Variants in HEATR1 observed in about 807,000 individuals in gnomAD.
HEATR1 encodes HEAT repeat containing 1.
Under a neutral mutation model 248.2 loss-of-function variants are expected in HEATR1, and 77 were observed. The observed-to-expected ratio is 0.31, with a 90% CI of 0.26 to 0.37. The LOEUF is 0.37. Ranked by LOEUF, HEATR1 falls within the 10% of genes least tolerant of loss-of-function variation. The pLI, the probability that HEATR1 is intolerant of heterozygous loss-of-function variation, is 1.00. For missense variants in HEATR1, 2,420 were observed against 2,504.9 expected (o/e 0.97, Z 0.72); for synonymous variants, 897 against 923.1 (o/e 0.97, Z 0.51).
At chr1:236,557,114 G>GA (rs1312625103) in intron 37 of HEATR1, 81 bp downstream of exon 37, 2 of 1,449,878 alleles carry the variant, frequency 1.4e-6, no homozygotes, top group Non-Finnish European at 1.8e-6. Context: ...AACCCTTAAA[G>GA]AAAAAACAAA....
chr1:236,559,563 G>T, intron 34 of HEATR1, 151 bp downstream of exon 34: 2 of 914,684 alleles, frequency 2.2e-6, no homozygotes, highest in Non-Finnish European at 1.6e-6. Flanking sequence ...TCTATTTCTA[G>T]TCATCAAGAG....
rs190697551 is a variant in HEATR1, at chr1:236,602,871, C to T, written c.359+289G>A. 2.3e-3 allele frequency: 598 copies of T among 259,462 alleles called. 3 individuals are homozygous for T. The highest frequency in any genetic ancestry group is 3.5e-3 in the Non-Finnish European group (476 of 134,248). The allele number at this position is 259,462 out of a possible 1,614,324, so 16.1% of individuals were successfully genotyped here. The stretch of plus-strand genomic sequence containing the variant: ...CCTGGGAGGCAGAGGTTGCAGTGAG[C>T]CAAGATTTCAATATTGCACTCCAGC... On this transcript the variant is annotated intron_variant, in intron 3 of 44. Coordinates refer to ENST00000366582, the MANE Select transcript of HEATR1 (RefSeq NM_018072.6).
Position 236,596,818 on chromosome 1 carries a change from C to T in HEATR1, c.744+18G>A, listed in dbSNP as rs762720379. 1.9e-6 allele frequency: 3 copies of T among 1,594,620 alleles called. No homozygotes were observed. The Admixed American group carries it at 5.5e-5, about 29-fold the overall frequency. ...TTTAAGTACAAAATAATCTACTTAA[C>T]ACATCAGCAGTGCCAACCTTTTGGA... is the stretch of plus-strand genomic sequence containing the variant. On this transcript the variant is annotated intron_variant, in intron 6 of 44. Transcript: ENST00000366582.
In HEATR1 at chr1:236,550,686, C is replaced by A; in HGVS notation, c.*216G>T. On this transcript the variant is annotated 3_prime_UTR_variant, in exon 45 of 45. Coordinates refer to ENST00000366582, the MANE Select transcript of HEATR1 (RefSeq NM_018072.6). ...CAGTCTGTATAAAAATACCGTGTAT[C>A]ATTTACTCTTTCTGCAGCTCTATAC... 1 of 465,220 alleles carries A rather than the reference C, an allele frequency of 2.1e-6. No individual in the cohort carries two copies. The allele number at this position is 465,220 out of a possible 1,614,324, so 28.8% of individuals were successfully genotyped here. A position where few individuals can be genotyped will look rare whatever the true frequency, so the allele number is the denominator to read the frequency against.
At chr1:236,552,316 GT>G in intron 43 of HEATR1, 1 of 368,920 alleles carries the variant, frequency 2.7e-6, no homozygotes, top group East Asian at 4.2e-5. Flanking sequence ...TATAAATAGT[GT>G]TTTCCAAACT....
At chr1:236,592,654 A>T (rs183093538) in intron 9 of HEATR1, 21 bp from the exon 10 acceptor site, 7 of 943,304 alleles carry the variant, frequency 7.4e-6, no homozygotes, top group Non-Finnish European at 1.2e-5. Context: ...AAAAACAGAA[A>T]TATCAGCATA....
intron 42 of HEATR1, among the ~76,000 whole-genome samples, chr1:236,554,284 C>G (rs570569338): frequency 6.6e-6 from 1 of 151,876 alleles, no homozygotes; most frequent in East Asian, 1.9e-4. Flanking sequence ...CCCAGCTATT[C>G]GGGAGGCTGA....
In HEATR1 at chr1:236,550,986, T is replaced by C; in HGVS notation, c.6351A>G (p.Glu2117=). 1 of 1,452,624 alleles carries C rather than the reference T, an allele frequency of 6.9e-7. No individual in the cohort carries two copies. The highest frequency in any genetic ancestry group is 9.3e-7 in the Non-Finnish European group (1 of 1,071,310). 90.0% of individuals were successfully genotyped at this position (1,452,624 alleles called of 1,614,324 possible). A position where few individuals can be genotyped will look rare whatever the true frequency, so the allele number is the denominator to read the frequency against. ...IPFLAELMED[E]CEEVEHQCQK... is the part of the protein sequence containing the mutation. ...GGCACTGATGTTCTACTTCTTCACA[T>C]TCATCTAAAAAAAAAAAAAAAAAAT... The change falls in exon 45 of 45, where the codon GAA becomes GAG. Residue 2117 remains glutamate, a synonymous_variant. Coordinates refer to ENST00000366582, the MANE Select transcript of HEATR1 (RefSeq NM_018072.6).
At position 236,549,749 on chromosome 1, in the gene HEATR1, G is replaced by A. The variant is rs920605054; in HGVS notation, c.*1153C>T. 1 of 152,058 alleles carries A rather than the reference G, an allele frequency of 6.6e-6. No homozygotes were observed. The highest frequency in any genetic ancestry group is 1.5e-5 in the Non-Finnish European group (1 of 68,022). 9.4% of individuals were successfully genotyped at this position (152,058 alleles called of 1,614,324 possible). A position where few individuals can be genotyped will look rare whatever the true frequency, so the allele number is the denominator to read the frequency against. On this transcript the variant is annotated 3_prime_UTR_variant, in exon 45 of 45. Coordinates refer to ENST00000366582, the MANE Select transcript of HEATR1 (RefSeq NM_018072.6). ...TTAACTGAGCTGTTGGAGACTGTGA[G>A]GCATTTAGGAAAAAAATAGCCCACT... is the stretch of plus-strand genomic sequence containing the variant.
chr1:236,592,248 A>G, intron 10 of HEATR1, 138 bp from the exon 11 acceptor site: 1 of 574,888 alleles, frequency 1.7e-6, no homozygotes, highest in Non-Finnish European at 3.1e-6. Flanking sequence ...TGTTGTAGGT[A>G]AAACCAAATG....
At chr1:236,592,140 ATTCT>A in intron 10 of HEATR1, 30 bp from the exon 11 acceptor site, 1 of 1,128,828 alleles carries the variant, frequency 8.9e-7, no homozygotes, top group Non-Finnish European at 1.3e-6. Context: ...TGAATTCATT[ATTCT>A]TAATAAATTT....
At chr1:236,601,299 T>G (rs1572056339) in intron 3 of HEATR1, among the ~76,000 whole-genome samples, 2 of 151,232 alleles carry the variant, frequency 1.3e-5, no homozygotes, top group African/African-American at 4.9e-5. Flanking sequence ...CAGGCTGGAG[T>G]GCAGTGGCGT....
intron 29 of HEATR1, among the ~76,000 whole-genome samples, chr1:236,567,809 C>A (rs1015444438): frequency 1.3e-5 from 2 of 152,194 alleles, no homozygotes. Context: ...CTTAGACTGC[C>A]TGGGAAGGCT....
At chr1:236,559,307 C>A (rs921500605) in intron 34 of HEATR1, among the ~76,000 whole-genome samples, 172 bp from the exon 35 acceptor site, 4 of 152,220 alleles carry the variant, frequency 2.6e-5, no homozygotes, top group Admixed American at 6.5e-5. Context: ...ACCAACCACA[C>A]ATTATCGAAC....
At position 236,597,885 on chromosome 1, in the gene HEATR1, G is replaced by C; in HGVS notation, c.596C>G (p.Ser199Cys). The stretch of plus-strand genomic sequence containing the variant: ...ATGAAACAGACTGCTCACCTTCACA[G>C]ATTTTGTCACCAAACTGCAAATGAA... Reference protein sequence around the residue: ...MDFICSLVTKSVKVFAEYPGS... With the variant: ...MDFICSLVTKCVKVFAEYPGS... Residue 199 changes from serine to cysteine, a missense_variant, in exon 5 of 45, where the codon TCT becomes TGT. Coordinates refer to ENST00000366582, the MANE Select transcript of HEATR1 (RefSeq NM_018072.6). 1.2e-6 allele frequency: 2 copies of C among 1,610,378 alleles called. No individual in the cohort carries two copies. Among genetic ancestry groups the C allele is most frequent in the Non-Finnish European group, 1.7e-6 (2 of 1,177,060 alleles).
chr1:236,590,865 C>G lies in HEATR1; in HGVS notation c.1512G>C (p.Lys504Asn), dbSNP rs1461662799. Residue 504 changes from lysine to asparagine, a missense_variant, in exon 12 of 45, where the codon AAG (lysine) becomes AAC (asparagine). Physicochemically the swap from Lys to Asn is moderately conservative, Grantham distance 94. Coordinates refer to ENST00000366582, the MANE Select transcript of HEATR1 (RefSeq NM_018072.6). Reference protein sequence around the residue: ...VRILAMNHLKKIMKTSKEGVD... With the variant: ...VRILAMNHLKNIMKTSKEGVD... ...AACAAACCTTTGATGTTTTCATGAT[C>G]TTTTTCAAATGATTCATGGCCAGAA... is the stretch of plus-strand genomic sequence containing the variant. 1 of 1,506,278 alleles carries G rather than the reference C, an allele frequency of 6.6e-7. No individual in the cohort carries two copies. The highest frequency in any genetic ancestry group is 8.9e-7 in the Non-Finnish European group (1 of 1,118,208). The allele number at this position is 1,506,278 out of a possible 1,614,324, so 93.3% of individuals were successfully genotyped here. A position where few individuals can be genotyped will look rare whatever the true frequency, so the allele number is the denominator to read the frequency against.
chr1:236,603,860 G>A (rs1207606647), intron 2 of HEATR1, 94 bp downstream of exon 2: 1 of 1,325,246 alleles, frequency 7.5e-7, no homozygotes, highest in African/African-American at 1.6e-5. Flanking sequence ...GGAAGAGGAC[G>A]GGACAGAAGA....
At chr1:236,588,887 G>C (rs1382706956) in intron 12 of HEATR1, among the ~76,000 whole-genome samples, 2 of 152,180 alleles carry the variant, frequency 1.3e-5, no homozygotes, top group African/African-American at 4.8e-5. Context: ...GAGGTGGGAG[G>C]ACTGCTTAAG....
At chr1:236,561,819 A>G (rs1411054941) in intron 32 of HEATR1, among the ~76,000 whole-genome samples, 3 of 152,234 alleles carry the variant, frequency 2.0e-5, no homozygotes, top group Non-Finnish European at 2.9e-5. Flanking sequence ...ATATTCCTCT[A>G]TAAATACCAC....
Sources: allele counts gnomAD v4.1 joint callset (sites outside exome capture counted in the v4.1 genomes callset), GRCh38; gene constraint gnomAD v4.1.1; transcripts MANE v1.5; gene names NCBI Gene and HGNC (gene_info 2026-07-23, HGNC 2026-07-21).